Variants in CEP192 observed in about 807,000 individuals in gnomAD.
The protein encoded by CEP192 is centrosomal protein of 192 kDa.
CEP192 carries 151 observed loss-of-function variants against 271.8 expected under a neutral mutation model. That is an observed-to-expected ratio of 0.56 (90% CI 0.49 to 0.64). The LOEUF is 0.64. Among genes scored for constraint, CEP192 ranks in the 30% least tolerant of loss-of-function variants. The pLI, the probability that CEP192 is intolerant of heterozygous loss-of-function variation, is 0.00. For missense variants in CEP192, 2,910 were observed against 3,020.5 expected (o/e 0.96, Z 0.86); for synonymous variants, 995 against 1,076.5 (o/e 0.92, Z 1.48).
At chr18:13,066,422 T>G (rs2037702424) in intron 21 of CEP192, among the ~76,000 whole-genome samples, 1 of 152,254 alleles carries the variant, frequency 6.6e-6, no homozygotes, top group South Asian at 2.1e-4. Flanking sequence ...TTTCTTCTAG[T>G]GGCTTCTGAT....
At chr18:12,999,677 C>G (rs2033483232) in intron 2 of CEP192, 89 bp downstream of exon 2, 2 of 1,003,066 alleles carry the variant, frequency 2.0e-6, no homozygotes, top group Non-Finnish European at 2.7e-6. Context: ...CAAGCTTGAG[C>G]TTTTTGTTTT....
chr18:13,055,649 T>C, intron 18 of CEP192, 131 bp from the exon 19 acceptor site: 1 of 604,452 alleles, frequency 1.7e-6, no homozygotes, highest in Non-Finnish European at 2.8e-6. Context: ...ACTATTTTTG[T>C]GTAAACCAAT....
At chr18:13,104,597 G>A (rs1889853006) in intron 39 of CEP192, among the ~76,000 whole-genome samples, 1 of 152,148 alleles carries the variant, frequency 6.6e-6, no homozygotes, top group Non-Finnish European at 1.5e-5. Context: ...AGGCAACAGA[G>A]TCAGACCCTG....
chr18:13,087,542 A>AAT lies in CEP192; in HGVS notation c.5895_5896dup (p.Asn1966IlefsTer42). On this transcript the variant is annotated frameshift_variant, in exon 32 of 45. Coordinates refer to ENST00000506447, the MANE Select transcript of CEP192 (RefSeq NM_032142.4). LOFTEE classifies it high-confidence loss of function. ...TTTCTTGGCATCAGAATGTTACTTT[A>AAT]ATATATAATCCATCAGACAGAGGAA... 1 of 1,446,570 alleles carries AAT rather than the reference A, an allele frequency of 6.9e-7. No individual in the cohort carries two copies. The highest frequency in any genetic ancestry group is 9.5e-7 in the Non-Finnish European group (1 of 1,054,620). 89.6% of individuals were successfully genotyped at this position (1,446,570 alleles called of 1,614,324 possible).
At chr18:13,094,286 T>C (rs1467259217) in intron 34 of CEP192, among the ~76,000 whole-genome samples, 1 of 152,208 alleles carries the variant, frequency 6.6e-6, no homozygotes, top group Non-Finnish European at 1.5e-5. Context: ...GAGCATCCAT[T>C]GATGCTTGTT....
chr18:13,010,854 A>T (rs1182528636), intron 4 of CEP192, among the ~76,000 whole-genome samples: 1 of 151,092 alleles, frequency 6.6e-6, no homozygotes, highest in Non-Finnish European at 1.5e-5. Flanking sequence ...CTCAAAAAGA[A>T]AAAAAAAAGT....
intron 15 of CEP192, among the ~76,000 whole-genome samples, chr18:13,046,378 T>C (rs1408935833): frequency 6.6e-6 from 1 of 152,218 alleles, no homozygotes. Context: ...CATCCAACTA[T>C]ATCACAGTCT....
intron 1 of CEP192, among the ~76,000 whole-genome samples, chr18:12,996,490 T>C (rs1161605736): frequency 6.6e-6 from 1 of 152,116 alleles, no homozygotes; most frequent in Non-Finnish European, 1.5e-5. Context: ...GGCGGTTGAA[T>C]ACCTGAGGTT....
chr18:13,105,509 A>G (rs150397219), intron 40 of CEP192, among the ~76,000 whole-genome samples: 4 of 152,294 alleles, frequency 2.6e-5, no homozygotes, highest in African/African-American at 9.6e-5. Flanking sequence ...ATTCCCTTCA[A>G]ATGTCTCCTA....
At chr18:13,043,625 G>C (rs1312409015) in intron 15 of CEP192, among the ~76,000 whole-genome samples, 1 of 151,980 alleles carries the variant, frequency 6.6e-6, no homozygotes, top group African/African-American at 2.4e-5. Context: ...ACAGTCACAT[G>C]GTCAGCTTCT....
chr18:13,007,178 G>C (rs1203633285), intron 3 of CEP192, among the ~76,000 whole-genome samples: 1 of 152,122 alleles, frequency 6.6e-6, no homozygotes, highest in Non-Finnish European at 1.5e-5. Flanking sequence ...CAGAATCTGG[G>C]GTAAGCGTGG....
chr18:13,117,641 G>A lies in CEP192; in HGVS notation c.7473G>A (p.Leu2491=), dbSNP rs145843566. 2.9e-3 allele frequency: 4,623 copies of A among 1,611,908 alleles called. 12 individuals are homozygous for A. Among genetic ancestry groups the A allele is most frequent in the Admixed American group, 3.7e-3 (220 of 59,988 alleles). ...PFYVKHSKYS[L]RAQHYINMPV... Reference sequence around the variant, plus strand: ...ATGTCAAACATTCCAAGTACTCTTTGAGGTAAGTTTATCGCAGATCACAGT... The same window carrying A: ...ATGTCAAACATTCCAAGTACTCTTTAAGGTAAGTTTATCGCAGATCACAGT... The change falls in exon 44 of 45, where the codon TTG becomes TTA. Residue 2491 remains leucine, a splice_region_variant and synonymous_variant. Coordinates refer to ENST00000506447, the MANE Select transcript of CEP192 (RefSeq NM_032142.4).
At chr18:13,063,728 C>T (rs1312044912) in intron 21 of CEP192, among the ~76,000 whole-genome samples, 1 of 151,918 alleles carries the variant, frequency 6.6e-6, no homozygotes, top group Non-Finnish European at 1.5e-5. Flanking sequence ...TTGATGTGAT[C>T]CCATTTGTCC....
At chr18:13,033,365 A>G (rs2035740611) in intron 11 of CEP192, among the ~76,000 whole-genome samples, 1 of 152,212 alleles carries the variant, frequency 6.6e-6, no homozygotes, top group Non-Finnish European at 1.5e-5. Context: ...TGCAGTGTAA[A>G]TCCACCCAGT....
intron 30 of CEP192, among the ~76,000 whole-genome samples, chr18:13,083,621 CT>C (rs1308972636): frequency 6.6e-6 from 1 of 152,230 alleles, no homozygotes; most frequent in African/African-American, 2.4e-5. Context: ...CTGCTGTCAG[CT>C]CATCAAAGTC....
intron 6 of CEP192, 75 bp from the exon 7 acceptor site, chr18:13,017,113 G>C (rs552571487): frequency 1.7e-6 from 2 of 1,185,346 alleles, no homozygotes; most frequent in African/African-American, 3.1e-5. Context: ...ATGTCTTATC[G>C]GCCTTTTTAA....
At position 13,113,570 on chromosome 18, in the gene CEP192, T is replaced by G. The variant is rs377555282; in HGVS notation, c.7048-16T>G. The G allele has an allele frequency of 1.9e-6, 3 of 1,611,918 alleles. No homozygotes were observed. The African/African-American group carries it at 4.0e-5, about 22-fold the overall frequency. ...ATGATCAGTGTCTAAATTTCTCTTC[T>G]GTATGTATTTCGTAGGTCTCCATCA... On this transcript the variant is annotated splice_polypyrimidine_tract_variant and intron_variant, in intron 40 of 44. Coordinates refer to ENST00000506447, the MANE Select transcript of CEP192 (RefSeq NM_032142.4).
chr18:13,047,371 A>G (rs957782318), intron 15 of CEP192, among the ~76,000 whole-genome samples: 7 of 152,206 alleles, frequency 4.6e-5, no homozygotes, highest in African/African-American at 1.4e-4. Context: ...ACACACACAC[A>G]CACACACCTC....
intron 5 of CEP192, among the ~76,000 whole-genome samples, chr18:13,013,802 A>G (rs2034495232): frequency 6.6e-6 from 1 of 152,216 alleles, no homozygotes. Context: ...ACAAAATATA[A>G]ACTAAACACT....
Sources: gnomAD v4.1 joint callset for allele counts (sites outside exome capture counted in the v4.1 genomes callset) on GRCh38, gnomAD v4.1.1 for gene constraint, MANE v1.5 for transcripts, NCBI Gene and HGNC (gene_info 2026-07-23, HGNC 2026-07-21) for gene names.